Variants in CRMP1 observed in about 807,000 individuals in gnomAD.
CRMP1 encodes the protein dihydropyrimidinase-related protein 1.
CRMP1 carries 19 observed loss-of-function variants against 68.3 expected under a neutral mutation model. The ratio of observed to expected loss-of-function variants is 0.28; its 90% CI spans 0.19 to 0.41. The LOEUF (loss-of-function observed/expected upper bound fraction) is 0.41, where lower values mean the gene tolerates loss of function less well. Ranked by LOEUF, CRMP1 falls within the 10% of genes least tolerant of loss-of-function variation. CRMP1 has a pLI of 1.00. For missense variants in CRMP1, 791 were observed against 967.4 expected, an observed-to-expected ratio of 0.82 and a Z score of 2.42; for synonymous variants, 439 against 399.6, an observed-to-expected ratio of 1.10 and a Z score of -1.18.
Position 5,889,658 on chromosome 4 carries a change from G to A in CRMP1, c.381+2931C>T. 1 of 1,536,156 alleles carries A rather than the reference G, an allele frequency of 6.5e-7. No homozygotes were observed. The highest frequency in any genetic ancestry group is 1.2e-5 in the South Asian group (1 of 84,058). On this transcript the variant is annotated intron_variant, in intron 1 of 13. Coordinates refer to ENST00000324989, the MANE Select transcript of CRMP1 (RefSeq NM_001014809.3). The surrounding 1 kb of genome is among the most constrained non-coding windows in gnomAD (Gnocchi z 4.5). ...CCACTTCGTTGTTCATTTTCTGCAT[G>A]CGAAATCCAACCCCACAGGTCCTAT...
intron 1 of CRMP1, among the ~76,000 whole-genome samples, chr4:5,868,648 A>T (rs1690193562): frequency 6.6e-6 from 1 of 152,100 alleles, no homozygotes; most frequent in Non-Finnish European, 1.5e-5. Flanking sequence ...ACTCCATCTT[A>T]GGGATACATA....
chr4:5,871,968 C>T (rs1247241823), intron 1 of CRMP1, among the ~76,000 whole-genome samples: 2 of 152,158 alleles, frequency 1.3e-5, no homozygotes, highest in African/African-American at 2.4e-5. Context: ...ATGAGGTCCA[C>T]GAACAGGTGT....
chr4:5,885,515 C>T (rs946512005), intron 1 of CRMP1, among the ~76,000 whole-genome samples: 23 of 152,212 alleles, frequency 1.5e-4, no homozygotes, highest in African/African-American at 5.5e-4. Context: ...AACTGTGCAG[C>T]GGTTGCCCTG....
At chr4:5,828,396 T>C in intron 12 of CRMP1, 93 bp downstream of exon 12, 1 of 1,502,204 alleles carries the variant, frequency 6.7e-7, no homozygotes, top group Non-Finnish European at 8.9e-7. Context: ...GCGATGACAT[T>C]ATTAACTCTG....
Position 5,827,732 on chromosome 4 carries a change from T to TGC in CRMP1, c.1803+755_1803+756dup, listed in dbSNP as rs559489418. ...GCATAGACATACACACATGTGCGCGTGCACACACACACACACACACACGAA... is the reference window on the plus strand; with the variant it reads ...GCATAGACATACACACATGTGCGCGTGCGCACACACACACACACACACACGAA... On this transcript the variant is annotated intron_variant, in intron 12 of 13. Transcript: ENST00000324989. Among the ~76,000 whole-genome samples, 32 of 111,906 alleles carry TGC rather than the reference T, an allele frequency of 2.9e-4. No homozygotes were observed. The South Asian group carries it at 3.9e-3, about 14-fold the overall frequency. The allele number at this position is 111,906 out of a possible 152,430, so 73.4% of individuals were successfully genotyped here.
chr4:5,841,549 A>T lies in CRMP1; in HGVS notation c.1033-121T>A. 6.7e-7 allele frequency: 1 copy of T among 1,491,994 alleles called. No homozygotes were observed. Among genetic ancestry groups the T allele is most frequent in the Non-Finnish European group, 9.2e-7 (1 of 1,092,542 alleles). The allele number at this position is 1,491,994 out of a possible 1,614,324, so 92.4% of individuals were successfully genotyped here. A position where few individuals can be genotyped will look rare whatever the true frequency, so the allele number is the denominator to read the frequency against. On this transcript the variant is annotated intron_variant, in intron 7 of 13. Coordinates refer to ENST00000324989, the MANE Select transcript of CRMP1 (RefSeq NM_001014809.3). The surrounding 1 kb of genome is among the most constrained non-coding windows in gnomAD (Gnocchi z 6.9). ...ATCTGCTCCATTGAATGAGAAGGAC[A>T]TACTGAGTCCAACAGCGCTTGACAG...
chr4:5,837,043 A>G, intron 9 of CRMP1, 137 bp from the exon 10 acceptor site: 1 of 974,964 alleles, frequency 1.0e-6, no homozygotes, highest in Non-Finnish European at 1.5e-6. Flanking sequence ...GAGACTCTCT[A>G]GCGTGTGCCT....
chr4:5,852,463 G>A (rs924521464), intron 4 of CRMP1, among the ~76,000 whole-genome samples: 2 of 152,218 alleles, frequency 1.3e-5, no homozygotes, highest in African/African-American at 2.4e-5. Context: ...GAAACCAGGC[G>A]TGTTCCTCCT....
chr4:5,832,334 A>G (rs1720438224), intron 11 of CRMP1, among the ~76,000 whole-genome samples: 1 of 152,254 alleles, frequency 6.6e-6, no homozygotes, highest in South Asian at 2.1e-4. Context: ...TATCTCGATA[A>G]GAAACTTAAA....
Position 5,824,498 on chromosome 4 carries a change from CTCTT to C in CRMP1, c.1969+992_1969+995del, listed in dbSNP as rs1382459255. The C allele has an allele frequency of 8.2e-6, 8 of 974,848 alleles. No homozygotes were observed. The African/African-American group carries it at 1.2e-4, about 15-fold the overall frequency. The allele number at this position is 974,848 out of a possible 1,614,324, so 60.4% of individuals were successfully genotyped here. A position where few individuals can be genotyped will look rare whatever the true frequency, so the allele number is the denominator to read the frequency against. Reference sequence around the variant, plus strand: ...CACACGTCATCCTCTCTCTCTCTCTCTCTTTGCCCCTTCCACTCTCTCTTTTGCT... The same window carrying C: ...CACACGTCATCCTCTCTCTCTCTCTCTGCCCCTTCCACTCTCTCTTTTGCT... On this transcript the variant is annotated intron_variant, in intron 13 of 13. Coordinates refer to ENST00000324989, the MANE Select transcript of CRMP1 (RefSeq NM_001014809.3).
intron 8 of CRMP1, among the ~76,000 whole-genome samples, 170 bp from the exon 9 acceptor site, chr4:5,839,848 C>A (rs1399699888): frequency 1.3e-5 from 2 of 152,234 alleles, no homozygotes; most frequent in Non-Finnish European, 2.9e-5. Flanking sequence ...CCTTGGGTGT[C>A]CGGGCCCAGC....
rs1355349985 is a variant in CRMP1, at chr4:5,853,789, T to G, written c.821-2320A>C. On this transcript the variant is annotated intron_variant, in intron 4 of 13. Coordinates refer to ENST00000324989, the MANE Select transcript of CRMP1 (RefSeq NM_001014809.3). This position sits in a 1 kb window ranked among gnomAD's most constrained non-coding sequence, Gnocchi z 4.7. ...CATCGTGTCATTTGCAGCAACAAAG[T>G]TGAAGCTGTGGAACCCTATGTTAAG... Among the ~76,000 whole-genome samples, 1 of 152,230 alleles carries G rather than the reference T, an allele frequency of 6.6e-6. No homozygotes were observed. Among genetic ancestry groups the G allele is most frequent in the Non-Finnish European group, 1.5e-5 (1 of 68,042 alleles).
chr4:5,825,452 C>A lies in CRMP1; in HGVS notation c.1969+42G>T, dbSNP rs751915067. The A allele has an allele frequency of 1.3e-6, 2 of 1,529,688 alleles. No individual in the cohort carries two copies. The allele number at this position is 1,529,688 out of a possible 1,614,324, so 94.8% of individuals were successfully genotyped here. On this transcript the variant is annotated intron_variant, in intron 13 of 13. Transcript: ENST00000324989. This position sits in a 1 kb window ranked among gnomAD's most constrained non-coding sequence, Gnocchi z 4.4. The stretch of plus-strand genomic sequence containing the variant: ...AGCAGCAGGAAGGACTCGGCCTGAA[C>A]TGCTGCAATTGTGGGGAGCCTGGGC...
At position 5,843,460 on chromosome 4, in the gene CRMP1, CT is replaced by C. The variant is rs1476388599; in HGVS notation, c.964-300del. 6.6e-6 allele frequency among the ~76,000 whole-genome samples: 1 copy of C among 152,130 alleles called. No individual in the cohort carries two copies. Among genetic ancestry groups the C allele is most frequent in the East Asian group, 1.9e-4 (1 of 5,186 alleles). The stretch of plus-strand genomic sequence containing the variant: ...CACGAGCTTCCAAGGCCACCCACCA[CT>C]CTCTGAATCTCGGAGTCTCCCTGCA... On this transcript the variant is annotated intron_variant, in intron 6 of 13. Transcript: ENST00000324989. This position sits in a 1 kb window ranked among gnomAD's most constrained non-coding sequence, Gnocchi z 4.1.
intron 1 of CRMP1, among the ~76,000 whole-genome samples, chr4:5,869,681 C>CAAAAAAAAAAAA (rs33973891): frequency 1.1e-5 from 1 of 92,916 alleles, no homozygotes; most frequent in Non-Finnish European, 2.1e-5. Context: ...AAGACTCCGT[C>CAAAAAAAAAAAA]AAAAAAAAAA....
In CRMP1 at chr4:5,821,898, G is replaced by C. The variant is rs1391428729; in HGVS notation, c.1970-47C>G. 7.1e-7 allele frequency: 1 copy of C among 1,402,798 alleles called. No homozygotes were observed. Among genetic ancestry groups the C allele is most frequent in the Non-Finnish European group, 9.6e-7 (1 of 1,046,704 alleles). The allele number at this position is 1,402,798 out of a possible 1,614,324, so 86.9% of individuals were successfully genotyped here. A position where few individuals can be genotyped will look rare whatever the true frequency, so the allele number is the denominator to read the frequency against. Reference sequence around the variant, plus strand: ...TGCTGGATGGGATCTGTTAGCATCAGTTCCACGCTGCTCCTGGAGGCCATG... The same window carrying C: ...TGCTGGATGGGATCTGTTAGCATCACTTCCACGCTGCTCCTGGAGGCCATG... On this transcript the variant is annotated intron_variant, in intron 13 of 13. Coordinates refer to ENST00000324989, the MANE Select transcript of CRMP1 (RefSeq NM_001014809.3). This position sits in a 1 kb window ranked among gnomAD's most constrained non-coding sequence, Gnocchi z 4.4.
At position 5,888,529 on chromosome 4, in the gene CRMP1, G is replaced by A. The variant is rs1715770496; in HGVS notation, c.381+4060C>T. On this transcript the variant is annotated intron_variant, in intron 1 of 13. Transcript: ENST00000324989. This position sits in a 1 kb window ranked among gnomAD's most constrained non-coding sequence, Gnocchi z 6.4. Reference sequence around the variant, plus strand: ...AGGGAGAGGCGAGGGCGGGAGGAGGGGGCTGCAGACAGCTCCTCCCGGCGG... The same window carrying A: ...AGGGAGAGGCGAGGGCGGGAGGAGGAGGCTGCAGACAGCTCCTCCCGGCGG... 1 of 1,176,974 alleles carries A rather than the reference G, an allele frequency of 8.5e-7. No homozygotes were observed. The highest frequency in any genetic ancestry group is 3.7e-5 in the East Asian group (1 of 27,054). 72.9% of individuals were successfully genotyped at this position (1,176,974 alleles called of 1,614,324 possible).
At chr4:5,831,392 G>A (rs1720372788) in intron 11 of CRMP1, among the ~76,000 whole-genome samples, 1 of 152,088 alleles carries the variant, frequency 6.6e-6, no homozygotes, top group African/African-American at 2.4e-5. Context: ...GTGCATTCTT[G>A]GGGGTTCCAG....
intron 2 of CRMP1, among the ~76,000 whole-genome samples, chr4:5,863,972 G>A (rs1431319394): frequency 3.3e-5 from 5 of 152,308 alleles, no homozygotes; most frequent in Admixed American, 2.0e-4. Flanking sequence ...CTGCCAACAC[G>A]CAGAGAGCTT....
Sources: gnomAD v4.1 joint callset for allele counts (sites outside exome capture counted in the v4.1 genomes callset) on GRCh38, gnomAD v4.1.1 for gene constraint, Gnocchi (gnomAD v3.1) non-coding constraint, MANE v1.5 for transcripts, NCBI Gene and HGNC (gene_info 2026-07-23, HGNC 2026-07-21) for gene names.